CSMD1: variants seen among roughly 807,000 people sequenced by gnomAD.
CSMD1 encodes CUB and Sushi multiple domains 1, also known as CUB and sushi domain-containing protein 1.
Under a neutral mutation model 417.5 loss-of-function variants are expected in CSMD1, and 213 were observed. That is an observed-to-expected ratio of 0.51 (90% CI 0.46 to 0.57). The LOEUF is 0.57. Among genes scored for constraint, CSMD1 ranks in the 20% least tolerant of loss-of-function variants. The pLI is 0.00. For synonymous variants in CSMD1, 2,862 were observed against 1,736.8 expected (o/e 1.65, Z -16.11); for missense variants, 6,923 against 4,529.7 (o/e 1.53, Z -15.17).
chr8:3,338,465 C>T (rs1453356801), intron 23 of CSMD1, among the ~76,000 whole-genome samples: 1 of 152,160 alleles, frequency 6.6e-6, no homozygotes, highest in African/African-American at 2.4e-5. Flanking sequence ...ATGAGGGGAC[C>T]AATTCAGGAT....
intron 5 of CSMD1, among the ~76,000 whole-genome samples, chr8:3,877,948 A>G (rs1585128761): frequency 6.6e-6 from 1 of 152,040 alleles, no homozygotes; most frequent in Admixed American, 6.6e-5. Context: ...CTTTGTCTAC[A>G]TCAAGGTCAT....
At chr8:4,279,805 T>A (rs778475588) in intron 3 of CSMD1, among the ~76,000 whole-genome samples, 3 of 152,202 alleles carry the variant, frequency 2.0e-5, no homozygotes, top group Non-Finnish European at 4.4e-5. Flanking sequence ...TTGGATTATG[T>A]CTTTTTGATG....
intron 3 of CSMD1, among the ~76,000 whole-genome samples, chr8:4,290,287 A>G (rs1041996831): frequency 6.6e-6 from 1 of 151,636 alleles, no homozygotes; most frequent in Non-Finnish European, 1.5e-5. Flanking sequence ...TGGTTTTCAC[A>G]TATGTCTACA....
At chr8:4,095,111 A>G (rs1800934971) in intron 3 of CSMD1, among the ~76,000 whole-genome samples, 1 of 152,146 alleles carries the variant, frequency 6.6e-6, no homozygotes, top group Non-Finnish European at 1.5e-5. Context: ...AAGTGACGTG[A>G]CGGATATGGA....
At chr8:4,730,980 A>C (rs1173895623) in intron 1 of CSMD1, among the ~76,000 whole-genome samples, 2 of 152,148 alleles carry the variant, frequency 1.3e-5, no homozygotes, top group South Asian at 4.2e-4. Context: ...TCATTTAGGA[A>C]GGCTTGGGAG....
intron 1 of CSMD1, among the ~76,000 whole-genome samples, chr8:4,938,828 C>T (rs971929532): frequency 1.3e-5 from 2 of 152,156 alleles, no homozygotes; most frequent in Non-Finnish European, 2.9e-5. Context: ...AGGTGCCAAA[C>T]ATTATTGAAA....
At chr8:3,289,312 C>T (rs1295132162) in intron 25 of CSMD1, among the ~76,000 whole-genome samples, 3 of 147,232 alleles carry the variant, frequency 2.0e-5, no homozygotes, top group East Asian at 2.0e-4. Flanking sequence ...TTTATAGCAG[C>T]ATGATTTATA....
At chr8:4,882,600 A>G (rs1803484711) in intron 1 of CSMD1, among the ~76,000 whole-genome samples, 1 of 151,906 alleles carries the variant, frequency 6.6e-6, no homozygotes, top group African/African-American at 2.4e-5. Context: ...GCATAGAGAA[A>G]GATGCAATGA....
Position 4,797,281 on chromosome 8 carries a change from A to G in CSMD1, c.86-159723T>C, listed in dbSNP as rs535781856. 3.1e-4 allele frequency among the ~76,000 whole-genome samples: 47 copies of G among 152,304 alleles called. 1 individual carries two copies. The highest frequency in any genetic ancestry group is 1.1e-3 in the African/African-American group (46 of 41,568). On this transcript the variant is annotated intron_variant, in intron 1 of 69. Transcript: ENST00000635120. ...GTGAGTTTTAACTGTTTTGAAAACT[A>G]TGTTTTAAAACAATGATGCTGCTCT...
chr8:3,221,363 G>C (rs1798201965), intron 28 of CSMD1, among the ~76,000 whole-genome samples: 1 of 152,200 alleles, frequency 6.6e-6, no homozygotes, highest in Non-Finnish European at 1.5e-5. Flanking sequence ...ATAGGCGCTA[G>C]CAGGAATGGT....
intron 2 of CSMD1, among the ~76,000 whole-genome samples, chr8:4,488,237 G>T (rs1801514484): frequency 6.6e-6 from 1 of 152,268 alleles, no homozygotes; most frequent in East Asian, 1.9e-4. Flanking sequence ...TGTTACAGCA[G>T]CTCAAAATGA....
chr8:4,595,324 G>C (rs144073276), intron 2 of CSMD1, among the ~76,000 whole-genome samples: 55 of 86,176 alleles, frequency 6.4e-4, no homozygotes, highest in Non-Finnish European at 2.4e-4. Flanking sequence ...CTAAGGCAAA[G>C]GATAATCATG....
chr8:4,721,078 T>G (rs1004459751), intron 1 of CSMD1, among the ~76,000 whole-genome samples: 1 of 152,102 alleles, frequency 6.6e-6, no homozygotes, highest in Non-Finnish European at 1.5e-5. Flanking sequence ...AAGAGTAACA[T>G]GAGGGTTAAG....
intron 3 of CSMD1, among the ~76,000 whole-genome samples, chr8:4,301,496 C>G (rs757144705): frequency 1.3e-5 from 2 of 152,154 alleles, no homozygotes; most frequent in Non-Finnish European, 2.9e-5. Flanking sequence ...TGCATAAGAT[C>G]TCTATTGAAA....
chr8:3,594,460 A>G (rs1267508588), intron 8 of CSMD1, among the ~76,000 whole-genome samples: 2 of 152,144 alleles, frequency 1.3e-5, no homozygotes, highest in Non-Finnish European at 2.9e-5. Context: ...AAAAACCACC[A>G]CAGCAAAACC....
chr8:4,376,184 G>C (rs988839394), intron 3 of CSMD1, among the ~76,000 whole-genome samples: 1 of 152,164 alleles, frequency 6.6e-6, no homozygotes, highest in Non-Finnish European at 1.5e-5. Flanking sequence ...TGTATCAAAA[G>C]AATTTATTTT....
At chr8:4,909,575 G>A (rs1372645676) in intron 1 of CSMD1, among the ~76,000 whole-genome samples, 1 of 152,094 alleles carries the variant, frequency 6.6e-6, no homozygotes, top group African/African-American at 2.4e-5. Flanking sequence ...CCTGCCAGAG[G>A]TAAGAAGGGA....
chr8:3,142,581 C>G lies in CSMD1; in HGVS notation c.6125G>C (p.Gly2042Ala), dbSNP rs1455397155. The stretch of plus-strand genomic sequence containing the variant: ...GGGGAGATCCGTGCCGCTAAATTGT[C>G]CAATCATGGGGCTGGTGTGGTAAGG... Reference protein sequence around the residue: ...NGPYHTSPMIGQFSGTDLPAA... With the variant: ...NGPYHTSPMIAQFSGTDLPAA... Residue 2042 changes from glycine to alanine, a missense_variant, in exon 41 of 70, where the codon GGA becomes GCA. Transcript: ENST00000635120. 1.2e-6 allele frequency: 2 copies of G among 1,613,876 alleles called. No individual in the cohort carries two copies. Among genetic ancestry groups the G allele is most frequent in the East Asian group, 4.5e-5 (2 of 44,874 alleles).
intron 1 of CSMD1, among the ~76,000 whole-genome samples, chr8:4,891,016 A>G (rs762324512): frequency 6.6e-6 from 1 of 152,122 alleles, no homozygotes; most frequent in Non-Finnish European, 1.5e-5. Context: ...TCTCCAAATA[A>G]ATAGATATGT....
Sources: gnomAD v4.1 joint callset for allele counts (sites outside exome capture counted in the v4.1 genomes callset) on GRCh38, gnomAD v4.1.1 for gene constraint, MANE v1.5 for transcripts, NCBI Gene and HGNC (gene_info 2026-07-23, HGNC 2026-07-21) for gene names.